Variants in PRRX1 observed in about 807,000 individuals in gnomAD.
PRRX1 encodes paired mesoderm homeobox protein 1.
A neutral mutation model predicts 24.0 loss-of-function variants in PRRX1; 8 were observed. The observed-to-expected ratio is 0.33, with a 90% CI of 0.20 to 0.60. PRRX1 has a LOEUF of 0.60. Among genes scored for constraint, PRRX1 ranks in the 20% least tolerant of loss-of-function variants. The probability of loss-of-function intolerance (pLI) is 0.82; values close to 1 mark genes in which losing one functional copy is unlikely to be tolerated. For synonymous variants in PRRX1, 160 were observed against 131.7 expected (o/e 1.22, Z -1.47); for missense variants, 281 against 322.4 (o/e 0.87, Z 0.98).
chr1:170,725,738 T>C (rs917337685), intron 2 of PRRX1, among the ~76,000 whole-genome samples: 9 of 152,222 alleles, frequency 5.9e-5, no homozygotes, highest in Non-Finnish European at 1.3e-4. Context: ...ATTTCCTTCT[T>C]AAATCTTTGT....
At chr1:170,732,545 C>A (rs1378749471) in intron 3 of PRRX1, among the ~76,000 whole-genome samples, 3 of 152,172 alleles carry the variant, frequency 2.0e-5, no homozygotes, top group Non-Finnish European at 4.4e-5. Flanking sequence ...CTGTATGGCA[C>A]CCTTAGCTCA....
chr1:170,712,158 A>C lies in PRRX1; in HGVS notation c.242-7568A>C, dbSNP rs114496078. Among the ~76,000 whole-genome samples the C allele has an allele frequency of 5.4e-3, 819 of 152,264 alleles. 6 individuals carry two copies. Among genetic ancestry groups the C allele is most frequent in the African/African-American group, 0.019 (786 of 41,546 alleles). The stretch of plus-strand genomic sequence containing the variant: ...TACTTGTTAAAGGTACCAATTGCTT[A>C]TCCGTCTGAGTACTAGAATCTATTT... On this transcript the variant is annotated intron_variant, in intron 1 of 3. Coordinates refer to ENST00000239461, the MANE Select transcript of PRRX1 (RefSeq NM_022716.4).
At chr1:170,690,226 A>G (rs1653893006) in intron 1 of PRRX1, among the ~76,000 whole-genome samples, 3 of 151,938 alleles carry the variant, frequency 2.0e-5, no homozygotes, top group East Asian at 1.9e-4. Context: ...CGTGCCCCCT[A>G]TGAGCTTATA....
At chr1:170,712,026 C>T (rs866811970) in intron 1 of PRRX1, among the ~76,000 whole-genome samples, 4 of 152,280 alleles carry the variant, frequency 2.6e-5, no homozygotes, top group South Asian at 2.1e-4. Flanking sequence ...AATTAGTTAA[C>T]CAAAAGCAAA....
intron 3 of PRRX1, among the ~76,000 whole-genome samples, chr1:170,734,974 G>T (rs1318772246): frequency 6.6e-6 from 1 of 152,134 alleles, no homozygotes; most frequent in African/African-American, 2.4e-5. Flanking sequence ...TGGAATGCAG[G>T]CAACAGAAGA....
intron 1 of PRRX1, among the ~76,000 whole-genome samples, chr1:170,718,265 G>A (rs1404872462): frequency 6.6e-6 from 1 of 152,164 alleles, no homozygotes; most frequent in African/African-American, 2.4e-5. Context: ...AAGCTTCAAG[G>A]GTATTCCTGG....
intron 2 of PRRX1, among the ~76,000 whole-genome samples, chr1:170,721,500 C>T (rs1325009557): frequency 1.3e-5 from 2 of 152,008 alleles, no homozygotes; most frequent in East Asian, 3.9e-4. Context: ...CTCCCTTCAG[C>T]CTGAAGAGAA....
chr1:170,724,268 T>A (rs1242111119), intron 2 of PRRX1, among the ~76,000 whole-genome samples: 1 of 152,140 alleles, frequency 6.6e-6, no homozygotes, highest in African/African-American at 2.4e-5. Context: ...AGTTTATTTT[T>A]CTGTGCAGAA....
At chr1:170,696,691 A>T (rs1370041433) in intron 1 of PRRX1, among the ~76,000 whole-genome samples, 2 of 152,212 alleles carry the variant, frequency 1.3e-5, no homozygotes, top group Non-Finnish European at 2.9e-5. Context: ...GTCAAATAAA[A>T]TGAATTCTCA....
At chr1:170,707,605 T>C (rs1195935400) in intron 1 of PRRX1, among the ~76,000 whole-genome samples, 1 of 152,240 alleles carries the variant, frequency 6.6e-6, no homozygotes, top group Non-Finnish European at 1.5e-5. Flanking sequence ...GAAATTTTCA[T>C]GTTTATTCCT....
At chr1:170,717,151 T>C (rs1449300697) in intron 1 of PRRX1, among the ~76,000 whole-genome samples, 1 of 152,240 alleles carries the variant, frequency 6.6e-6, no homozygotes, top group Non-Finnish European at 1.5e-5. Flanking sequence ...AGTGTTTTCA[T>C]TTGTTAAAAA....
chr1:170,710,837 C>A (rs906510504), intron 1 of PRRX1, among the ~76,000 whole-genome samples: 6 of 152,270 alleles, frequency 3.9e-5, no homozygotes, highest in Admixed American at 3.3e-4. Flanking sequence ...TCAACAGGAA[C>A]CCATATAGGC....
intron 1 of PRRX1, among the ~76,000 whole-genome samples, chr1:170,703,955 G>A (rs1654478436): frequency 6.6e-6 from 1 of 152,154 alleles, no homozygotes; most frequent in African/African-American, 2.4e-5. Flanking sequence ...TAAGGAAGGA[G>A]AATAATTAAT....
chr1:170,735,766 C>T (rs1483576925), intron 3 of PRRX1, among the ~76,000 whole-genome samples: 2 of 152,126 alleles, frequency 1.3e-5, no homozygotes, highest in Non-Finnish European at 2.9e-5. Context: ...TCTCTCACCC[C>T]AGAAATAAAT....
At chr1:170,693,287 A>G (rs1306760666) in intron 1 of PRRX1, among the ~76,000 whole-genome samples, 1 of 152,122 alleles carries the variant, frequency 6.6e-6, no homozygotes, top group Non-Finnish European at 1.5e-5. Context: ...AAGGTTCTAA[A>G]TATACTATAA....
At chr1:170,706,557 C>G (rs939191744) in intron 1 of PRRX1, among the ~76,000 whole-genome samples, 1 of 152,130 alleles carries the variant, frequency 6.6e-6, no homozygotes, top group Non-Finnish European at 1.5e-5. Context: ...CACTGACGTT[C>G]CCCCGTACCC....
intron 2 of PRRX1, chr1:170,722,487 G>A (rs933935081): frequency 6.6e-6 from 1 of 152,128 alleles, no homozygotes; most frequent in African/African-American, 2.4e-5. Flanking sequence ...TTTGGACTGG[G>A]GTGGAGAAGA....
intron 1 of PRRX1, among the ~76,000 whole-genome samples, chr1:170,672,194 C>T (rs1049250730): frequency 2.0e-5 from 3 of 152,188 alleles, no homozygotes; most frequent in African/African-American, 4.8e-5. Flanking sequence ...TTTCAAGAGA[C>T]TCACAGGACA....
At chr1:170,725,469 C>A (rs1044377648) in intron 2 of PRRX1, among the ~76,000 whole-genome samples, 4 of 152,152 alleles carry the variant, frequency 2.6e-5, no homozygotes, top group Non-Finnish European at 5.9e-5. Context: ...GAGTGCCCTG[C>A]CTTCAGCATT....
Sources: allele counts gnomAD v4.1 joint callset (sites outside exome capture counted in the v4.1 genomes callset), GRCh38; gene constraint gnomAD v4.1.1; transcripts MANE v1.5; gene names NCBI Gene and HGNC (gene_info 2026-07-23, HGNC 2026-07-21).